The following STK3 variants were observed in gnomAD, a reference collection of about 807,000 sequenced individuals.
The protein encoded by STK3 is serine/threonine kinase 3, also known as serine/threonine-protein kinase 3.
STK3 carries 41 observed loss-of-function variants against 58.0 expected under a neutral mutation model. That is an observed-to-expected ratio of 0.71 (90% CI 0.55 to 0.92). STK3 has a LOEUF of 0.92. Among genes scored for constraint, STK3 ranks in the 40% least tolerant of loss-of-function variants. The pLI is 0.00. For missense variants in STK3, 479 were observed against 602.7 expected (o/e 0.79, Z 2.15); for synonymous variants, 170 against 191.0 (o/e 0.89, Z 0.91).
At chr8:98,635,424 T>C (rs960272518) in intron 6 of STK3, among the ~76,000 whole-genome samples, 3 of 152,142 alleles carry the variant, frequency 2.0e-5, no homozygotes, top group Admixed American at 6.5e-5. Flanking sequence ...AACTGAGGGA[T>C]AGAAAGGTTA....
At chr8:98,493,274 G>A (rs1421521668) in intron 10 of STK3, among the ~76,000 whole-genome samples, 1 of 150,208 alleles carries the variant, frequency 6.7e-6, no homozygotes, top group Non-Finnish European at 1.5e-5. Context: ...ATATCTAAAA[G>A]CAATATAAAA....
chr8:98,504,815 C>G (rs1417066044), intron 10 of STK3, among the ~76,000 whole-genome samples: 1 of 152,108 alleles, frequency 6.6e-6, no homozygotes, highest in Admixed American at 6.5e-5. Context: ...CTCTGGCTGC[C>G]CTGAATATTT....
chr8:98,518,377 A>G (rs528736976), intron 10 of STK3, among the ~76,000 whole-genome samples: 1 of 152,282 alleles, frequency 6.6e-6, no homozygotes, highest in East Asian at 1.9e-4. Flanking sequence ...AAACAGCACC[A>G]TTAGGAATAA....
intron 3 of STK3, among the ~76,000 whole-genome samples, chr8:98,874,381 T>A (rs1291341340): frequency 6.6e-6 from 1 of 152,206 alleles, no homozygotes; most frequent in African/African-American, 2.4e-5. Context: ...TGAATTTGAA[T>A]GTTCTGCCAA....
Position 98,555,562 on chromosome 8 carries a change from G to T in STK3, c.949-7401C>A, listed in dbSNP as rs529225922. Among the ~76,000 whole-genome samples, 30 of 152,092 alleles carry T rather than the reference G, an allele frequency of 2.0e-4. 1 individual carries two copies. The South Asian group carries it at 5.6e-3, about 28-fold the overall frequency. ...GCACATGCAATCACATAACAGCATA[G>T]TATCAGTATCAGAGCAGTGATCTTA... On this transcript the variant is annotated intron_variant, in intron 8 of 10. Coordinates refer to ENST00000419617, the MANE Select transcript of STK3 (RefSeq NM_006281.4).
chr8:98,727,125 C>T (rs546560814), intron 4 of STK3, among the ~76,000 whole-genome samples: 15 of 152,292 alleles, frequency 9.8e-5, no homozygotes, highest in South Asian at 6.2e-4. Context: ...CAAGTCTACC[C>T]TAGCTCCAGA....
chr8:98,488,677 T>TA (rs1822460214), intron 10 of STK3, among the ~76,000 whole-genome samples: 1 of 152,132 alleles, frequency 6.6e-6, no homozygotes, highest in Non-Finnish European at 1.5e-5. Context: ...TAAAGGTAGA[T>TA]ACGTAGCTGC....
chr8:98,601,860 T>C (rs1816378827), intron 6 of STK3, among the ~76,000 whole-genome samples: 1 of 152,288 alleles, frequency 6.6e-6, no homozygotes, highest in East Asian at 1.9e-4. Flanking sequence ...GCCAAAGGCA[T>C]CTTGTTGCCC....
intron 1 of STK3, among the ~76,000 whole-genome samples, chr8:98,818,404 C>G (rs1446151136): frequency 6.6e-6 from 1 of 152,068 alleles, no homozygotes; most frequent in African/African-American, 2.4e-5. Flanking sequence ...GCCAATTTTG[C>G]CATGAGTAGT....
chr8:98,840,603 A>G (rs1420051457), intron 3 of STK3, among the ~76,000 whole-genome samples: 4 of 128,278 alleles, frequency 3.1e-5, no homozygotes, highest in East Asian at 2.3e-4. Context: ...ATATATATAT[A>G]TATATATATA....
chr8:98,818,444 G>T (rs188883459), intron 1 of STK3, among the ~76,000 whole-genome samples: 32 of 152,292 alleles, frequency 2.1e-4, no homozygotes, highest in Non-Finnish European at 4.7e-4. Context: ...CCAGTTTTCA[G>T]AAAGAACAGA....
chr8:98,668,331 G>C (rs1822528252), intron 6 of STK3, among the ~76,000 whole-genome samples: 1 of 152,092 alleles, frequency 6.6e-6, no homozygotes, highest in South Asian at 2.1e-4. Context: ...CTTTTATCTT[G>C]ACTGTGAATA....
intron 10 of STK3, among the ~76,000 whole-genome samples, chr8:98,497,709 G>A (rs1313338391): frequency 1.3e-5 from 2 of 152,070 alleles, no homozygotes; most frequent in Non-Finnish European, 2.9e-5. Flanking sequence ...AACATCATCA[G>A]CTATTAGGTA....
At chr8:98,823,310 G>A (rs1835030230) in intron 1 of STK3, among the ~76,000 whole-genome samples, 1 of 152,164 alleles carries the variant, frequency 6.6e-6, no homozygotes, top group Admixed American at 6.5e-5. Flanking sequence ...TCAGCACTAA[G>A]GAAGTGTTAT....
chr8:98,614,084 C>T (rs993974841), intron 6 of STK3, among the ~76,000 whole-genome samples: 1 of 152,026 alleles, frequency 6.6e-6, no homozygotes, highest in African/African-American at 2.4e-5. Context: ...GATAAATTCA[C>T]CATTATCAGT....
chr8:98,448,503 GCGC>G (rs1819053440), intron 1 of STK3, among the ~76,000 whole-genome samples: 2 of 152,190 alleles, frequency 1.3e-5, no homozygotes, highest in Non-Finnish European at 2.9e-5. Context: ...GCTGAAAAAT[GCGC>G]AGGTGCAGGA....
At chr8:98,503,596 G>A (rs376067937) in intron 10 of STK3, among the ~76,000 whole-genome samples, 118 of 152,244 alleles carry the variant, frequency 7.8e-4, no homozygotes, top group South Asian at 3.7e-3. Context: ...AATCTGGTAC[G>A]TTGTGTCTTT....
chr8:98,636,063 C>A (rs749497555), intron 6 of STK3, among the ~76,000 whole-genome samples: 48 of 151,936 alleles, frequency 3.2e-4, no homozygotes, highest in Non-Finnish European at 5.6e-4. Flanking sequence ...TCCAAAGCAC[C>A]TCTAAAATAG....
At chr8:98,938,342 G>T (rs1315283660) in intron 1 of STK3, among the ~76,000 whole-genome samples, 1 of 152,212 alleles carries the variant, frequency 6.6e-6, no homozygotes, top group East Asian at 1.9e-4. Flanking sequence ...GTCCTAGAGA[G>T]AAAGTGCAAA....
Sources: allele counts gnomAD v4.1 joint callset (sites outside exome capture counted in the v4.1 genomes callset), GRCh38; gene constraint gnomAD v4.1.1; transcripts MANE v1.5; gene names NCBI Gene and HGNC (gene_info 2026-07-23, HGNC 2026-07-21).